The following DCC variants were observed in gnomAD, a reference collection of about 807,000 sequenced individuals.
The protein encoded by DCC is netrin receptor DCC.
DCC carries 58 observed loss-of-function variants against 172.5 expected under a neutral mutation model. That is an observed-to-expected ratio of 0.34 (90% CI 0.27 to 0.42). The LOEUF (loss-of-function observed/expected upper bound fraction) is 0.42. Among genes scored for constraint, DCC ranks in the 10% least tolerant of loss-of-function variants. The pLI is 1.00. For synonymous variants in DCC, 709 were observed against 644.5 expected (o/e 1.10, Z -1.52); for missense variants, 1,740 against 1,791.0 (o/e 0.97, Z 0.51).
chr18:52,840,967 A>G (rs2038795427), intron 2 of DCC, among the ~76,000 whole-genome samples: 1 of 48,270 alleles, frequency 2.1e-5, no homozygotes, highest in South Asian at 9.8e-4. Context: ...CTATGATGAA[A>G]AAAAAAAGCA....
intron 5 of DCC, among the ~76,000 whole-genome samples, chr18:53,039,301 A>G (rs976534495): frequency 1.3e-5 from 2 of 152,050 alleles, no homozygotes; most frequent in African/African-American, 2.4e-5. Flanking sequence ...ACAGTATTCT[A>G]TAGTTGTTAA....
chr18:52,858,793 C>A (rs2039091273), intron 2 of DCC, among the ~76,000 whole-genome samples: 1 of 152,154 alleles, frequency 6.6e-6, no homozygotes, highest in South Asian at 2.1e-4. Flanking sequence ...AGGAGGATTC[C>A]AGCTGAAGAG....
chr18:53,379,650 C>T (rs1331827864), intron 15 of DCC, among the ~76,000 whole-genome samples: 2 of 152,158 alleles, frequency 1.3e-5, no homozygotes, highest in Non-Finnish European at 2.9e-5. Context: ...TTTTCAATCT[C>T]TGTGATCAAC....
chr18:52,855,415 T>G (rs2039036322), intron 2 of DCC, among the ~76,000 whole-genome samples: 1 of 152,368 alleles, frequency 6.6e-6, no homozygotes, highest in Admixed American at 6.5e-5. Context: ...TCCGTATAGC[T>G]TTATAAGGTT....
chr18:52,876,834 C>T (rs201658450), intron 2 of DCC, among the ~76,000 whole-genome samples: 11 of 125,874 alleles, frequency 8.7e-5, no homozygotes, highest in Middle Eastern at 4.3e-3. Flanking sequence ...TTGCCTCTGA[C>T]GTTTGCTTTT....
chr18:53,100,227 G>A (rs181703476), intron 7 of DCC, among the ~76,000 whole-genome samples: 1 of 151,904 alleles, frequency 6.6e-6, no homozygotes, highest in Non-Finnish European at 1.5e-5. Context: ...GGATTACAGT[G>A]TGAGCCACTG....
In DCC at chr18:53,006,168, C is replaced by A. The variant is rs74364275; in HGVS notation, c.986-57137C>A. Among the ~76,000 whole-genome samples the A allele has an allele frequency of 1.8e-4, 27 of 152,270 alleles. No individual in the cohort carries two copies. In the East Asian group the frequency reaches 5.2e-3, roughly 29 times the overall value. On this transcript the variant is annotated intron_variant, in intron 5 of 28. Coordinates refer to ENST00000442544, the MANE Select transcript of DCC (RefSeq NM_005215.4). ...AGGAACATAAAAATAATTTTGCTGA[C>A]ATAAAGATCACAGAAAATTCAAACT...
chr18:53,421,023 C>T (rs1374715775), intron 21 of DCC, among the ~76,000 whole-genome samples: 1 of 152,150 alleles, frequency 6.6e-6, no homozygotes, highest in Non-Finnish European at 1.5e-5. Context: ...CTAAAATCAG[C>T]TCCAACATTT....
At position 53,263,453 on chromosome 18, in the gene DCC, G is replaced by A. The variant is rs1381720635; in HGVS notation, c.1912-42125G>A. Among the ~76,000 whole-genome samples the A allele has an allele frequency of 2.0e-5, 3 of 152,238 alleles. No homozygotes were observed. The East Asian group carries it at 5.8e-4, about 29-fold the overall frequency. The stretch of plus-strand genomic sequence containing the variant: ...AGGCATGAGCCACCACACCCAGCCT[G>A]AAGTGTGTAATTTTAAAATGTATTT... On this transcript the variant is annotated intron_variant, in intron 12 of 28. Transcript: ENST00000442544.
intron 13 of DCC, among the ~76,000 whole-genome samples, chr18:53,320,294 G>A (rs1445775080): frequency 1.3e-5 from 2 of 152,080 alleles, no homozygotes; most frequent in East Asian, 1.9e-4. Flanking sequence ...GGATGGTCTC[G>A]ATCTCCTGAC....
At chr18:53,164,724 A>G (rs554758924) in intron 8 of DCC, among the ~76,000 whole-genome samples, 2 of 152,214 alleles carry the variant, frequency 1.3e-5, no homozygotes. Context: ...CATTCTTATT[A>G]GCTAATGCCA....
intron 1 of DCC, among the ~76,000 whole-genome samples, chr18:52,509,739 C>T (rs2031365733): frequency 6.6e-6 from 1 of 152,204 alleles, no homozygotes; most frequent in South Asian, 2.1e-4. Context: ...CTCCAAATTA[C>T]TTTGAAGGCA....
chr18:52,688,543 C>A (rs2145006263), intron 1 of DCC, among the ~76,000 whole-genome samples: 1 of 152,046 alleles, frequency 6.6e-6, no homozygotes, highest in Admixed American at 6.6e-5. Context: ...GTAGGATAAG[C>A]AAGTCTAGGC....
chr18:53,427,950 A>G lies in DCC; in HGVS notation c.3164-7194A>G, dbSNP rs1367867042. 3.0e-4 allele frequency among the ~76,000 whole-genome samples: 16 copies of G among 54,206 alleles called. 1 individual carries two copies. Among genetic ancestry groups the G allele is most frequent in the African/African-American group, 8.2e-4 (16 of 19,440 alleles). The allele number at this position is 54,206 out of a possible 152,430, so 35.6% of individuals were successfully genotyped here. A position where few individuals can be genotyped will look rare whatever the true frequency, so the allele number is the denominator to read the frequency against. On this transcript the variant is annotated intron_variant, in intron 21 of 28. Coordinates refer to ENST00000442544, the MANE Select transcript of DCC (RefSeq NM_005215.4). ...ATAATATAATATAATATATTATAAT[A>G]TATAATATAATAATATAATATATAA...
At position 53,339,695 on chromosome 18, in the gene DCC, C is replaced by A; in HGVS notation, c.2165-18C>A. 1.2e-6 allele frequency: 2 copies of A among 1,602,314 alleles called. No individual in the cohort carries two copies. The highest frequency in any genetic ancestry group is 1.7e-6 in the Non-Finnish European group (2 of 1,169,354). ...TCTGTTATGAGACATGCTGATGATG[C>A]CTCTTTTTGAATGCTAGAATCTCAA... On this transcript the variant is annotated intron_variant, in intron 14 of 28. Coordinates refer to ENST00000442544, the MANE Select transcript of DCC (RefSeq NM_005215.4).
At chr18:52,416,803 C>T (rs901357931) in intron 1 of DCC, among the ~76,000 whole-genome samples, 8 of 152,058 alleles carry the variant, frequency 5.3e-5, no homozygotes, top group Middle Eastern at 3.4e-3. Flanking sequence ...ATACAGCACA[C>T]GATGGGTCTT....
intron 2 of DCC, among the ~76,000 whole-genome samples, chr18:52,862,882 G>A (rs1311601950): frequency 6.6e-6 from 1 of 152,014 alleles, no homozygotes; most frequent in East Asian, 1.9e-4. Context: ...TTAAAAGATA[G>A]ATAGAAATAT....
chr18:52,862,892 T>C (rs760634796), intron 2 of DCC, among the ~76,000 whole-genome samples: 4 of 152,114 alleles, frequency 2.6e-5, no homozygotes, highest in Non-Finnish European at 5.9e-5. Context: ...GATAGAAATA[T>C]TTTACTATGT....
At chr18:52,866,436 G>T (rs113414713) in intron 2 of DCC, among the ~76,000 whole-genome samples, 3 of 152,272 alleles carry the variant, frequency 2.0e-5, no homozygotes, top group East Asian at 1.9e-4. Context: ...GAAAGTCAAT[G>T]GTTGCTTGAT....
Sources: gnomAD v4.1 joint callset for allele counts (sites outside exome capture counted in the v4.1 genomes callset) on GRCh38, gnomAD v4.1.1 for gene constraint, MANE v1.5 for transcripts, NCBI Gene and HGNC (gene_info 2026-07-23, HGNC 2026-07-21) for gene names.